The following GHR variants were observed in gnomAD, a reference collection of about 807,000 sequenced individuals.
GHR encodes the protein GH receptor.
A neutral mutation model predicts 67.1 loss-of-function variants in GHR; 35 were observed. The ratio of observed to expected loss-of-function variants is 0.52; its 90% confidence interval spans 0.40 to 0.69. GHR has a LOEUF of 0.69. GHR is among the 30% of genes least tolerant of loss of function. The pLI is 0.00. For synonymous variants in GHR, 272 were observed against 269.1 expected, an observed-to-expected ratio of 1.01 and a Z score of -0.10; for missense variants, 792 against 764.6, an observed-to-expected ratio of 1.04 and a Z score of -0.42.
chr5:42,640,056 G>A (rs34560684), intron 3 of GHR, among the ~76,000 whole-genome samples: 1,523 of 152,252 alleles, frequency 0.01, 12 homozygotes, highest in Middle Eastern at 0.02. Context: ...TAACCTAACT[G>A]CCTTCTCAAA....
chr5:42,597,181 A>G (rs938422862), intron 2 of GHR, among the ~76,000 whole-genome samples: 2 of 152,120 alleles, frequency 1.3e-5, no homozygotes, highest in African/African-American at 4.8e-5. Context: ...TACCAATGTG[A>G]TTGAAAGTAG....
At chr5:42,443,772 C>T (rs1180220672) in intron 1 of GHR, among the ~76,000 whole-genome samples, 3 of 152,068 alleles carry the variant, frequency 2.0e-5, no homozygotes, top group African/African-American at 7.2e-5. Context: ...TTTCCCTTTG[C>T]TTGGGAGGTC....
intron 1 of GHR, chr5:42,467,522 TA>T: frequency 1.6e-6 from 2 of 1,259,066 alleles, no homozygotes; most frequent in South Asian, 1.2e-5. Flanking sequence ...GAGCTATAAC[TA>T]AAGGCTTTCT....
chr5:42,580,414 A>G (rs1365397417), intron 2 of GHR, among the ~76,000 whole-genome samples: 1 of 152,148 alleles, frequency 6.6e-6, no homozygotes, highest in Non-Finnish European at 1.5e-5. Context: ...TAAATTATCT[A>G]GTATTTTATA....
At chr5:42,617,242 A>G in intron 2 of GHR, among the ~76,000 whole-genome samples, 1 of 132,798 alleles carries the variant, frequency 7.5e-6, no homozygotes, top group South Asian at 2.2e-4. Flanking sequence ...TCATTCCCTT[A>G]AAAAAAAAAA....
chr5:42,441,040 A>G (rs1045403283), intron 1 of GHR, among the ~76,000 whole-genome samples: 3 of 152,210 alleles, frequency 2.0e-5, no homozygotes, highest in African/African-American at 2.4e-5. Flanking sequence ...AGATACCTCA[A>G]TGTATAAATT....
intron 1 of GHR, among the ~76,000 whole-genome samples, chr5:42,479,370 G>C (rs1265303039): frequency 1.3e-5 from 2 of 152,160 alleles, no homozygotes; most frequent in African/African-American, 4.8e-5. Flanking sequence ...TCTCTGCCAG[G>C]CTTTGGTATC....
At position 42,641,620 on chromosome 5, in the gene GHR, G is replaced by A. The variant is rs796804561; in HGVS notation, c.136+12517G>A. On this transcript the variant is annotated intron_variant, in intron 3 of 9. Coordinates refer to ENST00000230882, the MANE Select transcript of GHR (RefSeq NM_000163.5). ...ACTATCTCATCCTGCCCTCACTATC[G>A]CTACCCCCAATCTCTCTCTACATTC... 8.5e-5 allele frequency among the ~76,000 whole-genome samples: 13 copies of A among 152,088 alleles called. 1 individual carries two copies. The highest frequency in any genetic ancestry group is 3.9e-4 in the Admixed American group (6 of 15,266).
At chr5:42,540,943 G>GT (rs58109462) in intron 1 of GHR, among the ~76,000 whole-genome samples, 70,109 of 139,770 alleles carry the variant, frequency 0.5, 17,286 homozygotes, top group Non-Finnish European at 0.54. Flanking sequence ...TATTTTCCTT[G>GT]TTTTTTTTTT....
intron 1 of GHR, among the ~76,000 whole-genome samples, chr5:42,475,565 G>A (rs1367138674): frequency 2.0e-5 from 3 of 151,348 alleles, no homozygotes; most frequent in East Asian, 1.9e-4. Flanking sequence ...GTGGTCATGC[G>A]CATTTTGTAT....
At chr5:42,450,807 T>C (rs1178362709) in intron 1 of GHR, among the ~76,000 whole-genome samples, 2 of 152,162 alleles carry the variant, frequency 1.3e-5, no homozygotes, top group Non-Finnish European at 2.9e-5. Flanking sequence ...TTTTGTTGTA[T>C]CCCATAGGTT....
At chr5:42,444,102 C>T (rs1468409598) in intron 1 of GHR, among the ~76,000 whole-genome samples, 1 of 152,080 alleles carries the variant, frequency 6.6e-6, no homozygotes. Flanking sequence ...GCACTATCTT[C>T]TCTGGATTAA....
chr5:42,546,793 G>A (rs556706464), intron 1 of GHR, among the ~76,000 whole-genome samples: 2 of 152,276 alleles, frequency 1.3e-5, no homozygotes, highest in African/African-American at 4.8e-5. Context: ...AGTGTTAAGA[G>A]GCCATTCTCA....
chr5:42,443,937 G>C lies in GHR; in HGVS notation c.-12+19982G>C, dbSNP rs532308345. ...TATCTGGGCACCATGGCCCAGCCAA[G>C]GTGATATAGATATAGATATAGATAG... is the stretch of plus-strand genomic sequence containing the variant. On this transcript the variant is annotated intron_variant, in intron 1 of 9. Transcript: ENST00000230882. Among the ~76,000 whole-genome samples the C allele has an allele frequency of 2.7e-5, 4 of 147,634 alleles. No homozygotes were observed. The South Asian group carries it at 8.5e-4, about 31-fold the overall frequency.
chr5:42,713,369 A>G, intron 7 of GHR, 60 bp from the exon 8 acceptor site: 1 of 784,712 alleles, frequency 1.3e-6, no homozygotes, highest in South Asian at 1.4e-5. Context: ...GGAAAGGGAA[A>G]TGTAAACTGT....
chr5:42,682,836 A>T (rs1209066304), intron 3 of GHR, among the ~76,000 whole-genome samples: 1 of 152,154 alleles, frequency 6.6e-6, no homozygotes, highest in Admixed American at 6.5e-5. Flanking sequence ...ACTTTTTCCA[A>T]AGTAACCCAC....
chr5:42,673,360 A>G (rs889262521), intron 3 of GHR, among the ~76,000 whole-genome samples: 1 of 152,228 alleles, frequency 6.6e-6, no homozygotes, highest in Non-Finnish European at 1.5e-5. Context: ...GAGATTTCTC[A>G]AAGAACTTGA....
chr5:42,571,268 C>T (rs1561131202), intron 2 of GHR, among the ~76,000 whole-genome samples: 1 of 152,310 alleles, frequency 6.6e-6, no homozygotes, highest in South Asian at 2.1e-4. Context: ...CTGAACTCCT[C>T]ATGCCTGTGT....
intron 1 of GHR, among the ~76,000 whole-genome samples, chr5:42,445,179 C>T (rs367712104): frequency 1.3e-5 from 2 of 152,190 alleles, no homozygotes; most frequent in Non-Finnish European, 2.9e-5. Flanking sequence ...AGTGGACCCA[C>T]AGTGGACATT....
Sources: gnomAD v4.1 joint callset for allele counts (sites outside exome capture counted in the v4.1 genomes callset) on GRCh38, gnomAD v4.1.1 for gene constraint, MANE v1.5 for transcripts, NCBI Gene and HGNC (gene_info 2026-07-23, HGNC 2026-07-21) for gene names.